ARID4B: variants seen among roughly 807,000 people sequenced by gnomAD.
ARID4B encodes the protein AT-rich interactive domain-containing protein 4B.
A neutral mutation model predicts 147.5 loss-of-function variants in ARID4B; 26 were observed. The observed-to-expected ratio is 0.18, with a 90% confidence interval of 0.13 to 0.24. ARID4B has a LOEUF of 0.24. Among genes scored for constraint, ARID4B ranks in the 10% least tolerant of loss-of-function variants. The pLI is 1.00. For synonymous variants in ARID4B, 512 were observed against 507.9 expected (o/e 1.01, Z -0.11); for missense variants, 1,179 against 1,511.5 (o/e 0.78, Z 3.65).
chr1:235,251,977 T>C (rs1191547620), intron 6 of ARID4B, among the ~76,000 whole-genome samples: 2 of 152,222 alleles, frequency 1.3e-5, no homozygotes, highest in Admixed American at 6.5e-5. Context: ...CATTTCCTAA[T>C]CTGAAAGTTG....
In ARID4B at chr1:235,260,631, A is replaced by C. The variant is rs748495834; in HGVS notation, c.117+11T>G. 1 of 1,557,308 alleles carries C rather than the reference A, an allele frequency of 6.4e-7. No homozygotes were observed. The highest frequency in any genetic ancestry group is 1.2e-5 in the South Asian group (1 of 84,874). On this transcript the variant is annotated intron_variant, in intron 3 of 23. Coordinates refer to ENST00000264183, the MANE Select transcript of ARID4B (RefSeq NM_016374.6). Reference sequence around the variant, plus strand: ...TGAACATACAATTTATGAAATCTATAAATACTGTACCTTGACTTTGACAAG... The same window carrying C: ...TGAACATACAATTTATGAAATCTATCAATACTGTACCTTGACTTTGACAAG...
chr1:235,196,137 A>G (rs774332331), intron 17 of ARID4B, 22 bp from the exon 18 acceptor site: 1 of 1,259,142 alleles, frequency 7.9e-7, no homozygotes, highest in Non-Finnish European at 1.1e-6. Flanking sequence ...GGAAATTAAT[A>G]TAAATATGTA....
intron 16 of ARID4B, among the ~76,000 whole-genome samples, chr1:235,218,317 A>G (rs527348076): frequency 3.0e-4 from 46 of 152,336 alleles, no homozygotes; most frequent in Non-Finnish European, 3.2e-4. Context: ...AAAAACCTAC[A>G]AAATACAGTT....
At chr1:235,280,110 A>G (rs1253479535) in intron 2 of ARID4B, among the ~76,000 whole-genome samples, 2 of 152,228 alleles carry the variant, frequency 1.3e-5, no homozygotes, top group African/African-American at 4.8e-5. Flanking sequence ...TATCCAACAC[A>G]TTCTCTTAAT....
At chr1:235,290,942 T>A (rs900712896) in intron 2 of ARID4B, among the ~76,000 whole-genome samples, 1 of 152,212 alleles carries the variant, frequency 6.6e-6, no homozygotes, top group African/African-American at 2.4e-5. Context: ...CAAACAAATT[T>A]GTTTTAATTA....
chr1:235,236,581 T>C (rs1233439449), intron 8 of ARID4B, among the ~76,000 whole-genome samples: 1 of 151,096 alleles, frequency 6.6e-6, no homozygotes, highest in African/African-American at 2.4e-5. Flanking sequence ...TGGCACGGTC[T>C]CAGCTCACTG....
intron 15 of ARID4B, 61 bp from the exon 16 acceptor site, chr1:235,220,029 GT>G: frequency 8.6e-7 from 1 of 1,160,960 alleles, no homozygotes. Flanking sequence ...TATATCCATG[GT>G]TTATCTCTTA....
chr1:235,171,520 T>C (rs1663361456), intron 23 of ARID4B, among the ~76,000 whole-genome samples: 2 of 152,226 alleles, frequency 1.3e-5, no homozygotes, highest in South Asian at 2.1e-4. Context: ...TAAAATAGTA[T>C]TTAGGAACCG....
intron 2 of ARID4B, among the ~76,000 whole-genome samples, chr1:235,279,247 T>C (rs1250407272): frequency 1.3e-5 from 2 of 152,050 alleles, no homozygotes; most frequent in South Asian, 2.1e-4. Flanking sequence ...CCAGAGGTTA[T>C]TCCTCTAGGT....
intron 8 of ARID4B, among the ~76,000 whole-genome samples, chr1:235,236,833 A>AAAATATATATAT (rs1175189621): frequency 1.5e-4 from 5 of 33,520 alleles, no homozygotes; most frequent in African/African-American, 7.5e-4. Context: ...TTTTATAAAA[A>AAAATATATATAT]ATATATATAT....
At chr1:235,227,045 C>G (rs1322325899) in intron 11 of ARID4B, among the ~76,000 whole-genome samples, 1 of 152,124 alleles carries the variant, frequency 6.6e-6, no homozygotes, top group African/African-American at 2.4e-5. Context: ...ACAGGTTTCT[C>G]TTTAGAGAGA....
chr1:235,174,187 G>C (rs552368272), intron 22 of ARID4B, among the ~76,000 whole-genome samples: 1 of 151,734 alleles, frequency 6.6e-6, no homozygotes, highest in Non-Finnish European at 1.5e-5. Context: ...CTACAAGCGC[G>C]TGCCACCACG....
At chr1:235,267,914 A>G (rs1313801480) in intron 2 of ARID4B, among the ~76,000 whole-genome samples, 3 of 152,150 alleles carry the variant, frequency 2.0e-5, no homozygotes, top group South Asian at 2.1e-4. Flanking sequence ...AAAAAAAAGA[A>G]AAGAAAAGAA....
At chr1:235,290,652 T>C (rs1020921731) in intron 2 of ARID4B, among the ~76,000 whole-genome samples, 14 of 152,194 alleles carry the variant, frequency 9.2e-5, no homozygotes, top group Non-Finnish European at 2.1e-4. Context: ...ATCTGTCCTA[T>C]ACAGAACTGC....
intron 2 of ARID4B, among the ~76,000 whole-genome samples, chr1:235,301,086 A>G (rs1339865144): frequency 9.2e-5 from 10 of 109,176 alleles, no homozygotes; most frequent in African/African-American, 2.9e-4. Context: ...GGGTCTCACT[A>G]TGTTTCCCAG....
chr1:235,236,862 A>ATATATATATATATATATTTTTT (rs1426582533), intron 8 of ARID4B, among the ~76,000 whole-genome samples: 1 of 17,490 alleles, frequency 5.7e-5, no homozygotes, highest in Non-Finnish European at 9.4e-5. Context: ...ATATATATAT[A>ATATATATATATATATATTTTTT]TTTTTTTTTT....
At chr1:235,308,930 C>G (rs2103269111) in intron 2 of ARID4B, among the ~76,000 whole-genome samples, 1 of 152,254 alleles carries the variant, frequency 6.6e-6, no homozygotes, top group East Asian at 1.9e-4. Context: ...CTCTGCCTGG[C>G]CGCCCATCGT....
chr1:235,236,872 T>A (rs1359441463), intron 8 of ARID4B, among the ~76,000 whole-genome samples: 127 of 51,462 alleles, frequency 2.5e-3, no homozygotes, highest in African/African-American at 3.0e-3. Flanking sequence ...ATTTTTTTTT[T>A]TTTTTTTTTT....
At chr1:235,221,919 T>TTTC (rs1558217449) in intron 13 of ARID4B, among the ~76,000 whole-genome samples, 1 of 106,690 alleles carries the variant, frequency 9.4e-6, no homozygotes, top group East Asian at 2.3e-4. Flanking sequence ...TTTTTTTTTT[T>TTTC]TGGAGACAGG....
Sources: allele counts gnomAD v4.1 joint callset (sites outside exome capture counted in the v4.1 genomes callset), GRCh38; gene constraint gnomAD v4.1.1; transcripts MANE v1.5; gene names NCBI Gene and HGNC (gene_info 2026-07-23, HGNC 2026-07-21).